The following CERT1 variants were observed in gnomAD, a reference collection of about 807,000 sequenced individuals.
CERT1 encodes ceramide transporter 1, also known as ceramide transfer protein.
Under a neutral mutation model 87.9 loss-of-function variants are expected in CERT1, and 31 were observed. The observed-to-expected ratio is 0.35, with a 90% CI of 0.27 to 0.48. The LOEUF is 0.48. Among genes scored for constraint, CERT1 ranks in the 20% least tolerant of loss-of-function variants. CERT1 has a pLI of 0.99. For synonymous variants in CERT1, 289 were observed against 250.9 expected (o/e 1.15, Z -1.44); for missense variants, 487 against 758.0 (o/e 0.64, Z 4.20).
chr5:75,480,779 ACACTC>A (rs1766203773), intron 2 of CERT1, among the ~76,000 whole-genome samples: 1 of 152,136 alleles, frequency 6.6e-6, no homozygotes, highest in African/African-American at 2.4e-5. Flanking sequence ...CATTTCTCTC[ACACTC>A]CATAGGAATT....
At chr5:75,434,329 C>T (rs1764000064) in intron 3 of CERT1, among the ~76,000 whole-genome samples, 1 of 151,896 alleles carries the variant, frequency 6.6e-6, no homozygotes, top group African/African-American at 2.4e-5. Flanking sequence ...GTGAAACAAC[C>T]TTACATTCCA....
In CERT1 at chr5:75,400,307, CAT is replaced by C. The variant is rs1309988003; in HGVS notation, c.1018-12_1018-11del. ...CCTTTTCACTCTGTGACTAAAAAAA[CAT>C]ATAATATTAAGATGGGAAGGTTTTA... On this transcript the variant is annotated splice_polypyrimidine_tract_variant and intron_variant, in intron 9 of 16. Transcript: ENST00000643780. 1.3e-6 allele frequency: 2 copies of C among 1,587,658 alleles called. No homozygotes were observed. The highest frequency in any genetic ancestry group is 1.1e-5 in the South Asian group (1 of 89,976).
chr5:75,414,086 A>C (rs535171665), intron 7 of CERT1, among the ~76,000 whole-genome samples: 1 of 152,384 alleles, frequency 6.6e-6, no homozygotes, highest in East Asian at 1.9e-4. Context: ...CTACTATTAA[A>C]TATAACAACA....
chr5:75,434,905 T>C (rs1397240753), intron 3 of CERT1, among the ~76,000 whole-genome samples: 1 of 152,126 alleles, frequency 6.6e-6, no homozygotes, highest in African/African-American at 2.4e-5. Context: ...GCTAGAAGTC[T>C]ATCAATCTTA....
chr5:75,472,917 C>A (rs1446210728), intron 2 of CERT1, among the ~76,000 whole-genome samples: 1 of 152,068 alleles, frequency 6.6e-6, no homozygotes, highest in East Asian at 1.9e-4. Context: ...TGGTATATAT[C>A]TAAAGTAAAT....
chr5:75,409,432 T>G (rs922382891), intron 8 of CERT1, among the ~76,000 whole-genome samples: 1 of 152,242 alleles, frequency 6.6e-6, no homozygotes, highest in African/African-American at 2.4e-5. Context: ...AAAATTCTTC[T>G]GTTTTCATAA....
chr5:75,374,341 C>A, downstream of CERT1: 1 of 497,962 alleles, frequency 2.0e-6, no homozygotes. Flanking sequence ...ATTATGAATG[C>A]AAAATTATTA....
At chr5:75,406,355 C>T (rs1051466836) in intron 8 of CERT1, among the ~76,000 whole-genome samples, 38 of 152,192 alleles carry the variant, frequency 2.5e-4, no homozygotes, top group African/African-American at 6.5e-4. Context: ...TCTTTCCCTC[C>T]GGGAAGACAT....
intron 2 of CERT1, among the ~76,000 whole-genome samples, chr5:75,473,605 G>C (rs1029398575): frequency 6.6e-6 from 1 of 152,150 alleles, no homozygotes; most frequent in Admixed American, 6.5e-5. Context: ...GGAGATGTTG[G>C]TTAAAGGACA....
chr5:75,395,698 C>T (rs1169181523), intron 11 of CERT1, among the ~76,000 whole-genome samples: 4 of 151,716 alleles, frequency 2.6e-5, no homozygotes, highest in Non-Finnish European at 2.9e-5. Context: ...CCTGTCTCTA[C>T]TAAAAATACA....
At chr5:75,371,813 A>T (rs1055764925) in intron 17 of CERT1, 1 of 152,212 alleles carries the variant, frequency 6.6e-6, no homozygotes, top group Non-Finnish European at 1.5e-5. Context: ...ATATCTGTAG[A>T]TGAGAAAACA....
At chr5:75,496,339 G>A (rs1732989083) in intron 2 of CERT1, among the ~76,000 whole-genome samples, 1 of 149,884 alleles carries the variant, frequency 6.7e-6, no homozygotes, top group Admixed American at 6.6e-5. Flanking sequence ...TGACAAAAAT[G>A]CCAAGCAAAT....
intron 3 of CERT1, among the ~76,000 whole-genome samples, chr5:75,441,725 A>G (rs1329109521): frequency 6.6e-6 from 1 of 152,222 alleles, no homozygotes; most frequent in Non-Finnish European, 1.5e-5. Flanking sequence ...ACGCTTCAGT[A>G]GCATGTGGCA....
At chr5:75,395,411 G>A (rs1424173206) in intron 11 of CERT1, among the ~76,000 whole-genome samples, 1 of 151,876 alleles carries the variant, frequency 6.6e-6, no homozygotes, top group Non-Finnish European at 1.5e-5. Flanking sequence ...TGGGTGTGGT[G>A]GAATGCCTGT....
At chr5:75,502,989 AT>A (rs1237599029) in intron 2 of CERT1, among the ~76,000 whole-genome samples, 1 of 151,976 alleles carries the variant, frequency 6.6e-6, no homozygotes, top group Non-Finnish European at 1.5e-5. Context: ...AGGGAATACT[AT>A]TTTTCCTCTC....
intron 2 of CERT1, among the ~76,000 whole-genome samples, chr5:75,475,558 T>G (rs1765917450): frequency 1.3e-5 from 2 of 152,112 alleles, no homozygotes; most frequent in Admixed American, 6.6e-5. Context: ...CCTGAGGCAT[T>G]TTCGCAAAAC....
chr5:75,459,176 G>A lies in CERT1; in HGVS notation c.237C>T (p.His79=), dbSNP rs774532682. 8.2e-6 allele frequency: 13 copies of A among 1,594,386 alleles called. No homozygotes were observed. Among genetic ancestry groups the A allele is most frequent in the South Asian group, 2.2e-5 (2 of 90,714 alleles). ...TATCAAATCGACATTCATCAAAATCGTGAGGCTGTGGAGAAAAAGTAGAAA... is the reference window on the plus strand; with the variant it reads ...TATCAAATCGACATTCATCAAAATCATGAGGCTGTGGAGAAAAAGTAGAAA... ...ICLSKAVITP[H]DFDECRFDIS... is the part of the protein sequence containing the mutation. The change falls in exon 3 of 17, where the codon CAC becomes CAT. Residue 79 remains histidine (H), a synonymous_variant. Coordinates refer to ENST00000643780, the MANE Select transcript of CERT1 (RefSeq NM_001379029.1).
At chr5:75,441,972 C>T (rs1311787534) in intron 3 of CERT1, among the ~76,000 whole-genome samples, 1 of 152,032 alleles carries the variant, frequency 6.6e-6, no homozygotes, top group Non-Finnish European at 1.5e-5. Flanking sequence ...TGAGGAATTG[C>T]CATACTATTT....
chr5:75,455,441 G>T (rs546271459), intron 3 of CERT1, among the ~76,000 whole-genome samples: 134 of 152,276 alleles, frequency 8.8e-4, no homozygotes, highest in Middle Eastern at 3.4e-3. Flanking sequence ...TGTGTTGATT[G>T]TAATGGTTCC....
Sources: gnomAD v4.1 joint callset for allele counts (sites outside exome capture counted in the v4.1 genomes callset) on GRCh38, gnomAD v4.1.1 for gene constraint, MANE v1.5 for transcripts, NCBI Gene and HGNC (gene_info 2026-07-23, HGNC 2026-07-21) for gene names.